PARD3B: variants seen among roughly 807,000 people sequenced by gnomAD.
PARD3B encodes the protein par-3 family cell polarity regulator beta.
A neutral mutation model predicts 130.2 loss-of-function variants in PARD3B; 103 were observed. The ratio of observed to expected loss-of-function variants is 0.79; its 90% CI spans 0.67 to 0.93. PARD3B has a LOEUF of 0.93. PARD3B is among the 40% of genes least tolerant of loss of function. The pLI is 0.00. For missense variants in PARD3B, 1,609 were observed against 1,499.2 expected (o/e 1.07, Z -1.21); for synonymous variants, 583 against 553.2 (o/e 1.05, Z -0.76).
At chr2:205,110,634 G>GTTTTTTTT (rs67202996) in intron 5 of PARD3B, among the ~76,000 whole-genome samples, 5 of 104,670 alleles carry the variant, frequency 4.8e-5, no homozygotes, top group East Asian at 2.9e-4. Flanking sequence ...TCTGTTTTTT[G>GTTTTTTTT]TTTTTTGTTT....
chr2:205,082,736 G>A (rs1344514455), intron 4 of PARD3B, among the ~76,000 whole-genome samples: 1 of 151,512 alleles, frequency 6.6e-6, no homozygotes, highest in African/African-American at 2.4e-5. Flanking sequence ...TTGTTCTTTA[G>A]TTTTTTCAAG....
chr2:205,381,454 G>A (rs1211098711), intron 18 of PARD3B, among the ~76,000 whole-genome samples: 1 of 151,390 alleles, frequency 6.6e-6, no homozygotes. Flanking sequence ...TGTGTTCAAA[G>A]TAGATAATGC....
Position 205,301,709 on chromosome 2 carries a change from C to T in PARD3B, c.2630+8C>T, listed in dbSNP as rs778389419. 8.1e-6 allele frequency: 13 copies of T among 1,613,830 alleles called. No individual in the cohort carries two copies. Among genetic ancestry groups the T allele is most frequent in the Non-Finnish European group, 1.0e-5 (12 of 1,179,950 alleles). On this transcript the variant is annotated splice_region_variant and intron_variant, in intron 18 of 22. Coordinates refer to ENST00000406610, the MANE Select transcript of PARD3B (RefSeq NM_001302769.2). This position sits in a 1 kb window ranked among gnomAD's most constrained non-coding sequence, Gnocchi z 5.2. ...CTTCGGCGCCATGCTGAGGTATGGG[C>T]CTGCTTTGAAGGCAAAGTTGGTTCT...
rs2035956826 is a variant in PARD3B at position 204,664,857 on chromosome 2, T to C, written c.121-21324T>C. ...AGTTTGAGGTATAATCAGTGTCTTC[T>C]CACTCTCTCCTTTTCTTTCATCTCA... On this transcript the variant is annotated intron_variant, in intron 1 of 22. Coordinates refer to ENST00000406610, the MANE Select transcript of PARD3B (RefSeq NM_001302769.2). The surrounding 1 kb of genome is among the most constrained non-coding windows in gnomAD (Gnocchi z 5.2). Among the ~76,000 whole-genome samples, 1 of 152,218 alleles carries C rather than the reference T, an allele frequency of 6.6e-6. No homozygotes were observed. Among genetic ancestry groups the C allele is most frequent in the Non-Finnish European group, 1.5e-5 (1 of 68,034 alleles).
intron 18 of PARD3B, among the ~76,000 whole-genome samples, chr2:205,358,613 T>C (rs2044280561): frequency 6.6e-6 from 1 of 152,242 alleles, no homozygotes; most frequent in Non-Finnish European, 1.5e-5. Flanking sequence ...CAATTCCTTT[T>C]ATTGTCCTCT....
intron 1 of PARD3B, among the ~76,000 whole-genome samples, chr2:204,645,640 A>G (rs1235179426): frequency 1.3e-5 from 2 of 152,116 alleles, no homozygotes; most frequent in East Asian, 3.9e-4. Flanking sequence ...GACTCATCAT[A>G]GTAGCCCATT....
At chr2:204,950,811 G>A (rs561607972) in intron 2 of PARD3B, among the ~76,000 whole-genome samples, 126 of 152,218 alleles carry the variant, frequency 8.3e-4, no homozygotes, top group Middle Eastern at 3.4e-3. Context: ...TCTCATAGGC[G>A]CTAAATACTG....
At chr2:204,557,610 A>G (rs1205470802) in intron 1 of PARD3B, among the ~76,000 whole-genome samples, 2 of 152,238 alleles carry the variant, frequency 1.3e-5, no homozygotes, top group African/African-American at 4.8e-5. Context: ...TAAAATAAAA[A>G]TGAGAATGAG....
intron 7 of PARD3B, among the ~76,000 whole-genome samples, chr2:205,119,745 G>A (rs1175317263): frequency 6.6e-6 from 1 of 152,100 alleles, no homozygotes; most frequent in Non-Finnish European, 1.5e-5. Flanking sequence ...TCGCGCCTTT[G>A]CACTCCACCC....
intron 20 of PARD3B, among the ~76,000 whole-genome samples, chr2:205,498,042 C>CACACAG (rs2050005481): frequency 1.3e-5 from 2 of 151,388 alleles, no homozygotes; most frequent in Admixed American, 1.3e-4. Context: ...CACACACACA[C>CACACAG]ACAAAGAATT....
intron 20 of PARD3B, among the ~76,000 whole-genome samples, chr2:205,479,806 T>C (rs2106284692): frequency 6.6e-6 from 1 of 152,246 alleles, no homozygotes; most frequent in South Asian, 2.1e-4. Flanking sequence ...CCAAGTCCTG[T>C]AAAGCCCATA....
At chr2:204,949,537 G>A (rs1689596855) in intron 2 of PARD3B, among the ~76,000 whole-genome samples, 1 of 151,998 alleles carries the variant, frequency 6.6e-6, no homozygotes, top group Non-Finnish European at 1.5e-5. Flanking sequence ...GCCCAGGCTA[G>A]TCTCAAACTC....
chr2:205,257,267 C>T (rs541792204), intron 16 of PARD3B, among the ~76,000 whole-genome samples: 2 of 151,706 alleles, frequency 1.3e-5, no homozygotes, highest in South Asian at 4.2e-4. Flanking sequence ...TTCACCCCAT[C>T]AAAAGAGAAC....
intron 16 of PARD3B, among the ~76,000 whole-genome samples, chr2:205,284,189 C>T (rs1372991337): frequency 1.3e-5 from 2 of 152,148 alleles, no homozygotes; most frequent in African/African-American, 2.4e-5. Flanking sequence ...GAAAGAAAAT[C>T]GTTCCATCTT....
At chr2:204,786,079 A>G (rs2042000161) in intron 2 of PARD3B, among the ~76,000 whole-genome samples, 1 of 149,148 alleles carries the variant, frequency 6.7e-6, no homozygotes, top group Non-Finnish European at 1.5e-5. Context: ...GCACCAGTGC[A>G]CACCAGCCCA....
At chr2:205,447,048 C>T (rs952622473) in intron 20 of PARD3B, among the ~76,000 whole-genome samples, 2 of 152,144 alleles carry the variant, frequency 1.3e-5, no homozygotes, top group Non-Finnish European at 2.9e-5. Flanking sequence ...AAATTGCTTT[C>T]GGGTGTTAAC....
rs183693291 is a variant in PARD3B, at chr2:205,184,611, G to A, written c.1925-1153G>A. Among the ~76,000 whole-genome samples, 1,257 of 152,024 alleles carry A rather than the reference G, an allele frequency of 8.3e-3. 5 individuals carry two copies. Among genetic ancestry groups the A allele is most frequent in the East Asian group, 0.029 (148 of 5,154 alleles). ...CAAAAAATTAGCCAGGCGTGGTGGC[G>A]AGCGCCTGTAGTTCCAGCTATTCGG... On this transcript the variant is annotated intron_variant, in intron 13 of 22. Coordinates refer to ENST00000406610, the MANE Select transcript of PARD3B (RefSeq NM_001302769.2).
chr2:204,745,813 T>A (rs1469899567), intron 2 of PARD3B, among the ~76,000 whole-genome samples: 1 of 152,102 alleles, frequency 6.6e-6, no homozygotes, highest in East Asian at 1.9e-4. Flanking sequence ...TTCAGGTATG[T>A]CTGTCTCTAA....
intron 18 of PARD3B, among the ~76,000 whole-genome samples, chr2:205,378,779 G>A (rs2045183525): frequency 6.6e-6 from 1 of 151,862 alleles, no homozygotes; most frequent in South Asian, 2.1e-4. Flanking sequence ...CTACAGGCGT[G>A]CACCACCACA....
Sources: gnomAD v4.1 joint callset for allele counts (sites outside exome capture counted in the v4.1 genomes callset) on GRCh38, gnomAD v4.1.1 for gene constraint, Gnocchi (gnomAD v3.1) non-coding constraint, MANE v1.5 for transcripts, NCBI Gene and HGNC (gene_info 2026-07-23, HGNC 2026-07-21) for gene names.